CRTC1: variants seen among roughly 807,000 people sequenced by gnomAD.
The protein encoded by CRTC1 is CREB regulated transcription coactivator 1, also known as CREB-regulated transcription coactivator 1.
A neutral mutation model predicts 66.1 loss-of-function variants in CRTC1; 18 were observed. That is an observed-to-expected ratio of 0.27 (90% CI 0.19 to 0.40). CRTC1 has a LOEUF of 0.40. Ranked by LOEUF, CRTC1 falls within the 10% of genes least tolerant of loss-of-function variation. The probability of loss-of-function intolerance (pLI) is 1.00; values close to 1 mark genes in which losing one functional copy is unlikely to be tolerated. For missense variants in CRTC1, 669 were observed against 887.9 expected (o/e 0.75, Z 3.13); for synonymous variants, 416 against 398.8 (o/e 1.04, Z -0.51).
At chr19:18,773,353 T>C (rs1286985200) in intron 11 of CRTC1, among the ~76,000 whole-genome samples, 1 of 152,204 alleles carries the variant, frequency 6.6e-6, no homozygotes, top group East Asian at 1.9e-4. Flanking sequence ...CACAGGCAGC[T>C]ACCATTTGGT....
intron 4 of CRTC1, 110 bp from the exon 5 acceptor site, chr19:18,749,671 A>T: frequency 6.9e-6 from 6 of 866,252 alleles, no homozygotes; most frequent in Non-Finnish European, 7.7e-6. Flanking sequence ...GCTCACAAAA[A>T]TGATCCACAG....
chr19:18,747,190 G>GAAA (rs1011334625), intron 4 of CRTC1, 76 bp downstream of exon 4: 1 of 1,168,076 alleles, frequency 8.6e-7, no homozygotes, highest in African/African-American at 1.6e-5. Flanking sequence ...GTTACATGTG[G>GAAA]AAAAGCAGGA....
chr19:18,692,619 A>G (rs1361888203), intron 1 of CRTC1, among the ~76,000 whole-genome samples: 1 of 148,684 alleles, frequency 6.7e-6, no homozygotes, highest in African/African-American at 2.5e-5. Flanking sequence ...AAAAAAAAAG[A>G]AGTGGTTAGG....
rs532291028 is a variant in CRTC1, at chr19:18,748,309, C to T, written c.443+1195C>T. Among the ~76,000 whole-genome samples, 78 of 149,916 alleles carry T rather than the reference C, an allele frequency of 5.2e-4. 1 individual carries two copies. Among genetic ancestry groups the T allele is most frequent in the Middle Eastern group, 3.5e-3 (1 of 284 alleles). ...TGTTACTGAGGCTGGAGTGCAATGG[C>T]GCGATCACAGGTCACTGCAGCCTCG... On this transcript the variant is annotated intron_variant, in intron 4 of 13. Coordinates refer to ENST00000321949, the MANE Select transcript of CRTC1 (RefSeq NM_015321.3).
In CRTC1 at chr19:18,741,283, T is replaced by G. The variant is rs2054105514; in HGVS notation, c.127-1627T>G. 6.6e-6 allele frequency among the ~76,000 whole-genome samples: 1 copy of G among 152,224 alleles called. No homozygotes were observed. Among genetic ancestry groups the G allele is most frequent in the Non-Finnish European group, 1.5e-5 (1 of 68,036 alleles). On this transcript the variant is annotated intron_variant, in intron 1 of 13. Transcript: ENST00000321949. This position sits in a 1 kb window ranked among gnomAD's most constrained non-coding sequence, Gnocchi z 4.2. ...CTTCAGGGAGTTCTTGCCCCTGATG[T>G]CTGGCCTCCTGGGAGCTGGCAGCTC...
At chr19:18,744,090 G>C in intron 2 of CRTC1, 1 of 1,612,940 alleles carries the variant, frequency 6.2e-7, no homozygotes. Context: ...TCAAAGTCTC[G>C]GTTCTTTGCA....
Position 18,768,885 on chromosome 19 carries a change from G to A in CRTC1, c.1320+92G>A, listed in dbSNP as rs1471176619. 1 of 1,452,316 alleles carries A rather than the reference G, an allele frequency of 6.9e-7. No homozygotes were observed. Among genetic ancestry groups the A allele is most frequent in the East Asian group, 2.6e-5 (1 of 38,544 alleles). The allele number at this position is 1,452,316 out of a possible 1,614,324, so 90.0% of individuals were successfully genotyped here. Reference sequence around the variant, plus strand: ...AGAACAGTCGGGTTACCTGCTGCATGGGCCAGGGGTCAGAACCCCAGCGAA... The same window carrying A: ...AGAACAGTCGGGTTACCTGCTGCATAGGCCAGGGGTCAGAACCCCAGCGAA... On this transcript the variant is annotated intron_variant, in intron 10 of 13. Coordinates refer to ENST00000321949, the MANE Select transcript of CRTC1 (RefSeq NM_015321.3). This position sits in a 1 kb window ranked among gnomAD's most constrained non-coding sequence, Gnocchi z 5.6.
intron 9 of CRTC1, among the ~76,000 whole-genome samples, chr19:18,766,432 C>T (rs192385857): frequency 1.3e-5 from 2 of 151,070 alleles, no homozygotes; most frequent in Admixed American, 6.6e-5. Flanking sequence ...AGCCACCGCG[C>T]CTGACCGTAA....
At position 18,777,074 on chromosome 19, in the gene CRTC1, G is replaced by A. The variant is rs1433814945; in HGVS notation, c.1694-97G>A. 17 of 716,134 alleles carry A rather than the reference G, an allele frequency of 2.4e-5. No homozygotes were observed. The highest frequency in any genetic ancestry group is 4.2e-5 in the Non-Finnish European group (17 of 405,272). The allele number at this position is 716,134 out of a possible 1,614,324, so 44.4% of individuals were successfully genotyped here. A position where few individuals can be genotyped will look rare whatever the true frequency, so the allele number is the denominator to read the frequency against. On this transcript the variant is annotated intron_variant, in intron 13 of 13. Coordinates refer to ENST00000321949, the MANE Select transcript of CRTC1 (RefSeq NM_015321.3). The surrounding 1 kb of genome is among the most constrained non-coding windows in gnomAD (Gnocchi z 5.5). Reference sequence around the variant, plus strand: ...CCAGACATTGCCAGCATACCCAGGGGACAGAGTCGCCCGGCGGGCATGCCT... The same window carrying A: ...CCAGACATTGCCAGCATACCCAGGGAACAGAGTCGCCCGGCGGGCATGCCT...
At chr19:18,732,518 A>AT (rs2053912840) in intron 1 of CRTC1, among the ~76,000 whole-genome samples, 1 of 152,154 alleles carries the variant, frequency 6.6e-6, no homozygotes, top group Non-Finnish European at 1.5e-5. Flanking sequence ...GGTCTTTGGT[A>AT]TTTTATCATG....
chr19:18,687,011 CTTTTTTT>C (rs35032428), intron 1 of CRTC1, among the ~76,000 whole-genome samples: 4 of 103,426 alleles, frequency 3.9e-5, no homozygotes, highest in East Asian at 3.0e-4. Context: ...GACTGAGAAA[CTTTTTTT>C]TTTTTTTTTT....
intron 1 of CRTC1, among the ~76,000 whole-genome samples, chr19:18,723,243 C>T (rs2053668364): frequency 6.6e-6 from 1 of 152,212 alleles, no homozygotes; most frequent in Non-Finnish European, 1.5e-5. Context: ...AATTGCCCGG[C>T]CTACAATCAT....
chr19:18,720,844 A>G (rs117503413), intron 1 of CRTC1, among the ~76,000 whole-genome samples: 4,058 of 118,120 alleles, frequency 0.034, 75 homozygotes, highest in Non-Finnish European at 0.045. Context: ...CATGTACACT[A>G]TGTGCACGCA....
intron 1 of CRTC1, among the ~76,000 whole-genome samples, chr19:18,738,433 A>C (rs2054044974): frequency 6.6e-6 from 1 of 152,204 alleles, no homozygotes; most frequent in African/African-American, 2.4e-5. Context: ...TCTCAGGGTC[A>C]ACTGTAGTTG....
At chr19:18,745,308 A>G (rs2054205963) in intron 2 of CRTC1, among the ~76,000 whole-genome samples, 1 of 152,182 alleles carries the variant, frequency 6.6e-6, no homozygotes, top group Non-Finnish European at 1.5e-5. Context: ...CCTGGGCTCC[A>G]CAAGGAAGCC....
In CRTC1 at chr19:18,765,411, C is replaced by T. The variant is rs1376398843; in HGVS notation, c.894C>T (p.Ser298=). The change falls in exon 9 of 14, where the codon AGC becomes AGT. Residue 298 remains serine, a synonymous_variant. Transcript: ENST00000321949. ...LGIGGAGQGM[S]TPGSSPQHRP... Reference sequence around the variant, plus strand: ...CTCCTACTTCCTCTCTAGGAATGAGCACACCTGGCTCCTCTCCACAGCACC... The same window carrying T: ...CTCCTACTTCCTCTCTAGGAATGAGTACACCTGGCTCCTCTCCACAGCACC... The T allele has an allele frequency of 1.2e-5, 19 of 1,611,884 alleles. No homozygotes were observed. Among genetic ancestry groups the T allele is most frequent in the Non-Finnish European group, 1.6e-5 (19 of 1,179,008 alleles).
At chr19:18,744,199 G>T (rs1480263630) in intron 2 of CRTC1, 1 of 1,595,024 alleles carries the variant, frequency 6.3e-7, no homozygotes, top group Non-Finnish European at 8.6e-7. Flanking sequence ...CCCGGCGCCA[G>T]CCTGCAAGAC....
intron 9 of CRTC1, among the ~76,000 whole-genome samples, chr19:18,766,696 C>T (rs985204970): frequency 3.3e-5 from 5 of 152,176 alleles, no homozygotes; most frequent in African/African-American, 1.2e-4. Flanking sequence ...ATCTGCCCAC[C>T]TCGGCCTCCC....
At chr19:18,720,609 G>T (rs912193488) in intron 1 of CRTC1, among the ~76,000 whole-genome samples, 5 of 136,810 alleles carry the variant, frequency 3.7e-5, no homozygotes, top group African/African-American at 8.3e-5. Context: ...CTTGTGATCC[G>T]CCCGCCTCGG....
Sources: allele counts gnomAD v4.1 joint callset (sites outside exome capture counted in the v4.1 genomes callset), GRCh38; gene constraint gnomAD v4.1.1; non-coding constraint Gnocchi (gnomAD v3.1); transcripts MANE v1.5; gene names NCBI Gene and HGNC (gene_info 2026-07-23, HGNC 2026-07-21).